The following ICAM1 variants were observed in gnomAD, a reference collection of about 807,000 sequenced individuals.
ICAM1 encodes ICAM-1.
ICAM1 carries 28 observed loss-of-function variants against 42.3 expected under a neutral mutation model. The observed-to-expected ratio is 0.66, with a 90% CI of 0.49 to 0.91. ICAM1 has a LOEUF of 0.91. ICAM1 is among the 40% of genes least tolerant of loss of function. ICAM1 has a pLI of 0.00. For synonymous variants in ICAM1, 304 were observed against 305.9 expected (o/e 0.99, Z 0.07); for missense variants, 637 against 688.6 (o/e 0.93, Z 0.84).
chr19:10,281,260 C>T (rs867563611), intron 2 of ICAM1, among the ~76,000 whole-genome samples: 8 of 151,756 alleles, frequency 5.3e-5, no homozygotes, highest in African/African-American at 1.7e-4. Flanking sequence ...TAAGCCACCA[C>T]GCCATGCCGA....
Position 10,284,795 on chromosome 19 carries a change from T to C in ICAM1, c.1193T>C (p.Leu398Pro), listed in dbSNP as rs2040090229. Reference sequence around the variant, plus strand: ...CGTGTTTTTCCAGATGGCCCCCGACTGGACGAGAGGGATTGTCCGGGAAAC... The same window carrying C: ...CGTGTTTTTCCAGATGGCCCCCGACCGGACGAGAGGGATTGTCCGGGAAAC... ...RELRVLYGPR[L>P]DERDCPGNWT... Residue 398 changes from leucine to proline, a missense_variant, in exon 6 of 7, where the codon CTG (leucine) becomes CCG (proline). By Grantham distance (98) the Leu-to-Pro change is moderately conservative. Transcript: ENST00000264832. This position sits in a 1 kb window ranked among gnomAD's most constrained non-coding sequence, Gnocchi z 5.4. 1 of 1,605,038 alleles carries C rather than the reference T, an allele frequency of 6.2e-7. No homozygotes were observed. Among genetic ancestry groups the C allele is most frequent in the Admixed American group, 1.8e-5 (1 of 56,310 alleles).
Position 10,284,356 on chromosome 19 carries a change from G to T in ICAM1, c.925+36G>T. The stretch of plus-strand genomic sequence containing the variant: ...GCAGGGGCGGAGTGGGGCTTCTTGG[G>T]GGTGTGACCTGAACCCGGGGCGGGG... On this transcript the variant is annotated intron_variant, in intron 4 of 6. Transcript: ENST00000264832. The surrounding 1 kb of genome is among the most constrained non-coding windows in gnomAD (Gnocchi z 5.4). 6.2e-7 allele frequency: 1 copy of T among 1,611,758 alleles called. No homozygotes were observed. Among genetic ancestry groups the T allele is most frequent in the Non-Finnish European group, 8.5e-7 (1 of 1,179,402 alleles).
Position 10,285,530 on chromosome 19 carries a change from C to T in ICAM1, c.*243C>T, listed in dbSNP as rs547642698. The stretch of plus-strand genomic sequence containing the variant: ...ACTAAGCCAAGAGGAAGGAGCAAGA[C>T]TCAAGACATGATTGATGGATGTTAA... On this transcript the variant is annotated 3_prime_UTR_variant, in exon 7 of 7. Coordinates refer to ENST00000264832, the MANE Select transcript of ICAM1 (RefSeq NM_000201.3). 4.8e-5 allele frequency: 25 copies of T among 518,678 alleles called. No homozygotes were observed. The highest frequency in any genetic ancestry group is 4.6e-4 in the African/African-American group (24 of 52,604). The allele number at this position is 518,678 out of a possible 1,614,324, so 32.1% of individuals were successfully genotyped here. A position where few individuals can be genotyped will look rare whatever the true frequency, so the allele number is the denominator to read the frequency against.
Position 10,274,907 on chromosome 19 carries a change from C to T in ICAM1, c.210C>T (p.Leu70=), listed in dbSNP as rs2040006143. The T allele has an allele frequency of 1.2e-6, 2 of 1,614,228 alleles. No individual in the cohort carries two copies. Among genetic ancestry groups the T allele is most frequent in the East Asian group, 2.2e-5 (1 of 44,884 alleles). ...CCCCGTTGCCTAAAAAGGAGTTGCT[C>T]CTGCCTGGGAACAACCGGAAGGTGT... ...IETPLPKKEL[L]LPGNNRKVYE... Residue 70 remains leucine, a synonymous_variant, in exon 2 of 7, where the codon CTC becomes CTT. Transcript: ENST00000264832.
chr19:10,277,094 G>A (rs562898729), intron 2 of ICAM1, among the ~76,000 whole-genome samples: 1 of 152,292 alleles, frequency 6.6e-6, no homozygotes, highest in African/African-American at 2.4e-5. Context: ...GCCCTAAAAG[G>A]AAGTGGGAGA....
intron 1 of ICAM1, among the ~76,000 whole-genome samples, chr19:10,271,520 C>T (rs1026126111): frequency 1.3e-5 from 2 of 152,256 alleles, no homozygotes; most frequent in African/African-American, 4.8e-5. Context: ...AGCCTTACCT[C>T]CTGCCTCAGC....
chr19:10,285,081 G>A (rs773492884), intron 6 of ICAM1, 34 bp from the exon 7 acceptor site: 6 of 1,613,666 alleles, frequency 3.7e-6, no homozygotes, highest in Middle Eastern at 3.4e-4. Context: ...TGGACCTAAT[G>A]CAATCCTCAC....
At chr19:10,271,271 C>G (rs778554750) in intron 1 of ICAM1, 45 bp downstream of exon 1, 1 of 1,553,190 alleles carries the variant, frequency 6.4e-7, no homozygotes, top group South Asian at 1.1e-5. Flanking sequence ...CTCCGAAGCC[C>G]CGGGAGGACC....
chr19:10,281,538 C>T (rs1332298491), intron 2 of ICAM1, among the ~76,000 whole-genome samples: 1 of 151,986 alleles, frequency 6.6e-6, no homozygotes, highest in East Asian at 1.9e-4. Context: ...ATATTTCAAT[C>T]ACTCTAAAAA....
chr19:10,274,144 T>G (rs1217613672), intron 1 of ICAM1, among the ~76,000 whole-genome samples: 2 of 152,064 alleles, frequency 1.3e-5, no homozygotes, highest in East Asian at 3.8e-4. Flanking sequence ...ACATCTGTAC[T>G]TGCCTGGAAC....
chr19:10,278,548 C>CTTTTTGTTT (rs2040032446), intron 2 of ICAM1, among the ~76,000 whole-genome samples: 1 of 41,758 alleles, frequency 2.4e-5, no homozygotes, highest in East Asian at 6.5e-4. Flanking sequence ...CCTGATAGGT[C>CTTTTTGTTT]TTTTTTTTTT....
chr19:10,278,334 C>T (rs988082641), intron 2 of ICAM1, among the ~76,000 whole-genome samples: 8 of 152,094 alleles, frequency 5.3e-5, no homozygotes, highest in African/African-American at 1.4e-4. Flanking sequence ...GAAAATGACA[C>T]GGTGAGTGAC....
chr19:10,284,645 C>T lies in ICAM1; in HGVS notation c.1168C>T (p.Leu390Phe). 1 of 1,614,082 alleles carries T rather than the reference C, an allele frequency of 6.2e-7. No homozygotes were observed. Among genetic ancestry groups the T allele is most frequent in the Non-Finnish European group, 8.5e-7 (1 of 1,179,968 alleles). Reference protein sequence around the residue: ...QLIHKNQTRELRVLYGPRLDE... With the variant: ...QLIHKNQTREFRVLYGPRLDE... ...TATACACAAGAACCAGACCCGGGAG[C>T]TTCGTGTCCTGTGTGAGTGGGGCTG... Residue 390 changes from leucine (L) to phenylalanine (F), a missense_variant, in exon 5 of 7, where the codon CTT becomes TTT. Physicochemically the swap from Leu to Phe is conservative, Grantham distance 22 (BLOSUM62 0). Transcript: ENST00000264832. This position sits in a 1 kb window ranked among gnomAD's most constrained non-coding sequence, Gnocchi z 5.4.
At chr19:10,277,633 G>A (rs1026014735) in intron 2 of ICAM1, among the ~76,000 whole-genome samples, 1 of 151,706 alleles carries the variant, frequency 6.6e-6, no homozygotes, top group African/African-American at 2.4e-5. Context: ...AATTACAGGC[G>A]CCCAGCACCA....
intron 2 of ICAM1, among the ~76,000 whole-genome samples, chr19:10,277,592 A>G (rs915945807): frequency 1.3e-5 from 2 of 151,936 alleles, no homozygotes; most frequent in African/African-American, 4.8e-5. Flanking sequence ...GGTTCAAGCA[A>G]TTCTCCTGCC....
At position 10,273,823 on chromosome 19, in the gene ICAM1, G is replaced by T. The variant is rs562751089; in HGVS notation, c.68-942G>T. 2.6e-5 allele frequency among the ~76,000 whole-genome samples: 4 copies of T among 152,164 alleles called. No individual in the cohort carries two copies. In the East Asian group the frequency reaches 7.7e-4, roughly 29 times the overall value. ...GAGGCCAGGAGTTTGAGAGCAGGCT[G>T]GCCGACGTGGCGAAACCCCGTCTCT... is the stretch of plus-strand genomic sequence containing the variant. On this transcript the variant is annotated intron_variant, in intron 1 of 6. Transcript: ENST00000264832.
At chr19:10,272,300 C>G (rs1046004529) in intron 1 of ICAM1, among the ~76,000 whole-genome samples, 4 of 152,158 alleles carry the variant, frequency 2.6e-5, no homozygotes, top group African/African-American at 9.6e-5. Flanking sequence ...ACAAAGCGTT[C>G]TGATCCGGAC....
At chr19:10,282,994 CAGA>C (rs1229952957) in intron 2 of ICAM1, 5 of 151,474 alleles carry the variant, frequency 3.3e-5, no homozygotes, top group Non-Finnish European at 7.4e-5. Context: ...GCCTGGGCGA[CAGA>C]AGGAGACTCA....
At chr19:10,279,157 G>A (rs551896670) in intron 2 of ICAM1, among the ~76,000 whole-genome samples, 2 of 152,280 alleles carry the variant, frequency 1.3e-5, no homozygotes, top group Non-Finnish European at 2.9e-5. Context: ...ATGTGTAGGA[G>A]TTCATAAGGA....
Sources: gnomAD v4.1 joint callset for allele counts (sites outside exome capture counted in the v4.1 genomes callset) on GRCh38, gnomAD v4.1.1 for gene constraint, Gnocchi (gnomAD v3.1) non-coding constraint, MANE v1.5 for transcripts, NCBI Gene and HGNC (gene_info 2026-07-23, HGNC 2026-07-21) for gene names.